The following BTD variants were observed in gnomAD, a reference collection of about 807,000 sequenced individuals.
BTD encodes the protein biocytinase.
In BTD, 13 loss-of-function variants were observed where a neutral mutation model predicts 17.7. That is an observed-to-expected ratio of 0.74 (90% CI 0.48 to 1.17). The LOEUF (loss-of-function observed/expected upper bound fraction) is 1.17. BTD is among the 50% of genes most tolerant of loss of function. BTD has a pLI of 0.00. For missense variants in BTD, 674 were observed against 650.4 expected (o/e 1.04, Z -0.39); for synonymous variants, 240 against 245.2 (o/e 0.98, Z 0.20).
At chr3:15,720,851 C>T (rs1559403716) in intron 4 of BTD, 1 of 1,365,178 alleles carries the variant, frequency 7.3e-7, no homozygotes. Context: ...CAATGGTATT[C>T]ACCATTGATG....
chr3:15,615,687 A>G (rs2064771332), intron 1 of BTD, among the ~76,000 whole-genome samples: 1 of 152,250 alleles, frequency 6.6e-6, no homozygotes. Context: ...TGATACATGC[A>G]TAGCCTTCCC....
intron 3 of BTD, among the ~76,000 whole-genome samples, chr3:15,665,068 CAG>C (rs1243846143): frequency 1.1e-4 from 17 of 152,008 alleles, no homozygotes; most frequent in African/African-American, 3.6e-4. Flanking sequence ...AGCTAGTAGA[CAG>C]GTATTTCAAT....
intron 3 of BTD, among the ~76,000 whole-genome samples, chr3:15,675,186 G>A (rs1243739571): frequency 1.3e-5 from 2 of 152,070 alleles, no homozygotes. Flanking sequence ...CATGAGAATC[G>A]CTTGAACCCA....
At chr3:15,601,534 A>T (rs761561132), upstream of BTD, 5 of 1,607,938 alleles carry the variant, frequency 3.1e-6, no homozygotes, top group South Asian at 5.5e-5. Flanking sequence ...GGCAAACGCG[A>T]AATCGGCAGC....
At chr3:15,641,019 G>A (rs1196504940) in intron 2 of BTD, among the ~76,000 whole-genome samples, 1 of 152,182 alleles carries the variant, frequency 6.6e-6, no homozygotes, top group African/African-American at 2.4e-5. Flanking sequence ...TGGGGCTGGT[G>A]TTCCCGGCTT....
chr3:15,695,268 TAA>T, intron 3 of BTD: 2 of 1,317,960 alleles, frequency 1.5e-6, no homozygotes, highest in South Asian at 1.3e-5. Context: ...TCATCTATAT[TAA>T]GTCTCAACTT....
At chr3:15,624,782 G>A (rs1041088955) in intron 1 of BTD, among the ~76,000 whole-genome samples, 3 of 152,142 alleles carry the variant, frequency 2.0e-5, no homozygotes, top group Non-Finnish European at 4.4e-5. Context: ...GTCACTGCTG[G>A]AGTGCAGTGG....
chr3:15,605,432 A>G (rs2064418448), intron 1 of BTD, among the ~76,000 whole-genome samples: 1 of 152,170 alleles, frequency 6.6e-6, no homozygotes, highest in Non-Finnish European at 1.5e-5. Context: ...GGATTATGGG[A>G]GCTATAATTC....
intron 3 of BTD, among the ~76,000 whole-genome samples, chr3:15,681,846 A>C (rs1001681297): frequency 7.2e-5 from 11 of 152,216 alleles, no homozygotes; most frequent in African/African-American, 2.7e-4. Context: ...TAGTGGGTAG[A>C]AACCAATGAT....
In BTD at chr3:15,635,747, CT is replaced by C; in HGVS notation, c.249+61del. On this transcript the variant is annotated intron_variant, in intron 2 of 3. Coordinates refer to ENST00000643237, the MANE Select transcript of BTD (RefSeq NM_001370658.1). The surrounding 1 kb of genome is among the most constrained non-coding windows in gnomAD (Gnocchi z 4.1). ...ATACAGAGCAGATTGCTCTTTACCC[CT>C]TGATCAGTGGTTGGGTAATCCCAGG... 1.9e-6 allele frequency: 3 copies of C among 1,610,006 alleles called. No individual in the cohort carries two copies. Among genetic ancestry groups the C allele is most frequent in the Non-Finnish European group, 2.5e-6 (3 of 1,177,858 alleles).
intron 3 of BTD, chr3:15,670,492 C>G (rs75898822): frequency 9.3e-6 from 15 of 1,613,772 alleles, no homozygotes; most frequent in Non-Finnish European, 1.3e-5. Flanking sequence ...TCATGGTGGC[C>G]AAAATGAGAG....
At chr3:15,685,343 C>A (rs762803080) in intron 3 of BTD, 1 of 1,613,996 alleles carries the variant, frequency 6.2e-7, no homozygotes, top group Non-Finnish European at 8.5e-7. Context: ...TGTCCACAGG[C>A]AGCAGACAGG....
At chr3:15,644,194 G>T (rs2065622493) in intron 3 of BTD, 122 bp from the exon 4 acceptor site, 1 of 993,074 alleles carries the variant, frequency 1.0e-6, no homozygotes, top group East Asian at 2.6e-5. Context: ...TTGAGATGGG[G>T]TTTCACCGTG....
At chr3:15,670,907 G>A (rs548652867) in intron 3 of BTD, among the ~76,000 whole-genome samples, 5 of 152,298 alleles carry the variant, frequency 3.3e-5, no homozygotes, top group Non-Finnish European at 1.5e-5. Context: ...AGGATGGTAG[G>A]CAGAGATTTA....
intron 3 of BTD, chr3:15,684,586 T>TA (rs2067894062): frequency 2.0e-5 from 3 of 152,132 alleles, no homozygotes; most frequent in Admixed American, 6.6e-5. Flanking sequence ...TGATTGTATT[T>TA]AGAAAGTAAA....
intron 1 of BTD, among the ~76,000 whole-genome samples, chr3:15,634,756 G>GA (rs1453426004): frequency 6.6e-6 from 1 of 152,174 alleles, no homozygotes; most frequent in Non-Finnish European, 1.5e-5. Flanking sequence ...AGTTCAAGGA[G>GA]AAAAAATAAC....
At chr3:15,712,783 G>C (rs1305485862), downstream of BTD, among the ~76,000 whole-genome samples, 2 of 152,144 alleles carry the variant, frequency 1.3e-5, no homozygotes, top group Non-Finnish European at 2.9e-5. Context: ...AAATGAACTA[G>C]AGCAACTTGT....
rs2065747249 is a variant in BTD, at chr3:15,648,653, G to A, written c.*3165G>A. Among the ~76,000 whole-genome samples the A allele has an allele frequency of 6.6e-6, 1 of 152,156 alleles. No homozygotes were observed. Among genetic ancestry groups the A allele is most frequent in the Non-Finnish European group, 1.5e-5 (1 of 68,036 alleles). ...CTCACTGGATTTGGAGAATATTATT[G>A]ATTAAATTGCGTCTTCCCCAAAAAA... On this transcript the variant is annotated 3_prime_UTR_variant, in exon 4 of 4. Transcript: ENST00000643237.
At chr3:15,720,001 C>A (rs1203186838) in intron 4 of BTD, among the ~76,000 whole-genome samples, 1 of 152,152 alleles carries the variant, frequency 6.6e-6, no homozygotes, top group Non-Finnish European at 1.5e-5. Context: ...TCCCAAGTAG[C>A]TGGGACTACA....
Sources: gnomAD v4.1 joint callset for allele counts (sites outside exome capture counted in the v4.1 genomes callset) on GRCh38, gnomAD v4.1.1 for gene constraint, Gnocchi (gnomAD v3.1) non-coding constraint, MANE v1.5 for transcripts, NCBI Gene and HGNC (gene_info 2026-07-23, HGNC 2026-07-21) for gene names.